The following TENM2 variants were observed in gnomAD, a reference collection of about 807,000 sequenced individuals.
TENM2 encodes the protein teneurin transmembrane protein 2, also known as teneurin-2.
A neutral mutation model predicts 245.2 loss-of-function variants in TENM2; 52 were observed. That is an observed-to-expected ratio of 0.21 (90% CI 0.17 to 0.27). The LOEUF is 0.27. Ranked by LOEUF, TENM2 falls within the 10% of genes least tolerant of loss-of-function variation. The pLI is 1.00. For synonymous variants in TENM2, 1,363 were observed against 1,438.9 expected (o/e 0.95, Z 1.19); for missense variants, 3,046 against 3,666.8 (o/e 0.83, Z 4.37).
intron 2 of TENM2, among the ~76,000 whole-genome samples, chr5:167,746,079 A>G (rs1180844461): frequency 6.6e-6 from 1 of 152,202 alleles, no homozygotes; most frequent in Non-Finnish European, 1.5e-5. Flanking sequence ...TGAGATAGGA[A>G]TTTTAACCAA....
intron 5 of TENM2, among the ~76,000 whole-genome samples, chr5:168,001,073 A>G (rs1457966449): frequency 6.6e-6 from 1 of 152,238 alleles, no homozygotes; most frequent in East Asian, 1.9e-4. Flanking sequence ...AATGCTGATT[A>G]GGGTTACATC....
the TENM2 span, among the ~76,000 whole-genome samples, chr5:167,153,539 C>A: frequency 6.6e-6 from 1 of 151,886 alleles, no homozygotes. Flanking sequence ...CACGAGAGGG[C>A]AGGCACATTC....
At chr5:167,227,642 T>A in the TENM2 span, among the ~76,000 whole-genome samples, 7 of 152,282 alleles carry the variant, frequency 4.6e-5, no homozygotes, top group South Asian at 1.5e-3. Context: ...CTGATGGGCG[T>A]TTCTTTATAG....
At chr5:167,744,501 A>G (rs1761419742) in intron 2 of TENM2, among the ~76,000 whole-genome samples, 1 of 152,184 alleles carries the variant, frequency 6.6e-6, no homozygotes, top group Non-Finnish European at 1.5e-5. Context: ...CCCTTGTAAT[A>G]TATAGTAGGA....
At chr5:167,152,182 C>A in the TENM2 span, among the ~76,000 whole-genome samples, 8 of 152,132 alleles carry the variant, frequency 5.3e-5, no homozygotes, top group Non-Finnish European at 1.0e-4. Context: ...ATTGTATTTT[C>A]TTTTTCTTCA....
intron 1 of TENM2, among the ~76,000 whole-genome samples, chr5:167,347,803 G>T (rs1386237316): frequency 6.6e-6 from 1 of 151,670 alleles, no homozygotes; most frequent in Non-Finnish European, 1.5e-5. Flanking sequence ...CAGTACTGTT[G>T]TAGGTGCTGA....
At chr5:167,079,260 T>C in the TENM2 span, among the ~76,000 whole-genome samples, 6 of 130,814 alleles carry the variant, frequency 4.6e-5, no homozygotes, top group Non-Finnish European at 9.5e-5. Flanking sequence ...TATACATCCA[T>C]ATATATATAT....
chr5:167,105,630 T>C, the TENM2 span, among the ~76,000 whole-genome samples: 1 of 151,878 alleles, frequency 6.6e-6, no homozygotes, highest in Admixed American at 6.6e-5. Flanking sequence ...GGCTCACGCC[T>C]GTAATCCCAG....
intron 10 of TENM2, 51 bp from the exon 13 acceptor site, chr5:168,124,799 C>T: frequency 6.6e-7 from 1 of 1,520,412 alleles, no homozygotes; most frequent in South Asian, 1.3e-5. Context: ...GTCCATCCTC[C>T]ATGGGTGATT....
At chr5:167,745,284 A>G (rs1380475442) in intron 2 of TENM2, among the ~76,000 whole-genome samples, 2 of 152,218 alleles carry the variant, frequency 1.3e-5, no homozygotes, top group African/African-American at 2.4e-5. Flanking sequence ...ACCATCCTCT[A>G]TAATTCTGGC....
At chr5:168,138,275 T>C (rs1229016131) in intron 12 of TENM2, among the ~76,000 whole-genome samples, 4 of 152,184 alleles carry the variant, frequency 2.6e-5, no homozygotes, top group Non-Finnish European at 5.9e-5. Context: ...CGTCTGTAAA[T>C]TGGGAATAAT....
At chr5:168,188,429 A>G (rs961838991) in intron 13 of TENM2, among the ~76,000 whole-genome samples, 2 of 152,236 alleles carry the variant, frequency 1.3e-5, no homozygotes, top group African/African-American at 2.4e-5. Context: ...ATAAGGATTG[A>G]CTAACGAATT....
At chr5:167,425,690 G>A (rs554148751) in intron 2 of TENM2, among the ~76,000 whole-genome samples, 1 of 152,160 alleles carries the variant, frequency 6.6e-6, no homozygotes, top group South Asian at 2.1e-4. Flanking sequence ...ATGAACATGG[G>A]AAATTACTTA....
chr5:167,428,805 T>A (rs1326265813), intron 2 of TENM2, among the ~76,000 whole-genome samples: 1 of 152,182 alleles, frequency 6.6e-6, no homozygotes, highest in African/African-American at 2.4e-5. Context: ...CCGAGCTCAG[T>A]GCATAGAGAC....
At chr5:167,688,329 G>A (rs773265987) in intron 2 of TENM2, among the ~76,000 whole-genome samples, 2 of 152,006 alleles carry the variant, frequency 1.3e-5, no homozygotes, top group Non-Finnish European at 2.9e-5. Context: ...GTATTCTTCT[G>A]TGGCATCATT....
At chr5:167,223,197 T>G in the TENM2 span, among the ~76,000 whole-genome samples, 1 of 152,128 alleles carries the variant, frequency 6.6e-6, no homozygotes, top group East Asian at 1.9e-4. Flanking sequence ...CCGGTACCCA[T>G]TTCTAGCTAC....
At chr5:167,554,123 C>A (rs1449759482) in intron 2 of TENM2, among the ~76,000 whole-genome samples, 1 of 152,176 alleles carries the variant, frequency 6.6e-6, no homozygotes, top group East Asian at 1.9e-4. Flanking sequence ...CAGCAATATC[C>A]ATTTTCTCAC....
At chr5:167,916,572 A>G (rs1369712214) in intron 3 of TENM2, among the ~76,000 whole-genome samples, 1 of 151,730 alleles carries the variant, frequency 6.6e-6, no homozygotes, top group African/African-American at 2.4e-5. Flanking sequence ...AATTATACTC[A>G]CTTCAAAGCC....
intron 2 of TENM2, among the ~76,000 whole-genome samples, chr5:167,498,507 T>G (rs1430503168): frequency 1.3e-5 from 2 of 152,114 alleles, no homozygotes; most frequent in Non-Finnish European, 2.9e-5. Flanking sequence ...AAAGGTCTCA[T>G]CCCTCTACTT....
Sources: gnomAD v4.1 joint callset for allele counts (sites outside exome capture counted in the v4.1 genomes callset) on GRCh38, gnomAD v4.1.1 for gene constraint, MANE v1.5 for transcripts, NCBI Gene and HGNC (gene_info 2026-07-23, HGNC 2026-07-21) for gene names.